Variants in PLCB1 observed in about 807,000 individuals in gnomAD.
The protein encoded by PLCB1 is 1-phosphatidylinositol 4,5-bisphosphate phosphodiesterase beta-1.
PLCB1 carries 46 observed loss-of-function variants against 161.8 expected under a neutral mutation model. That is an observed-to-expected ratio of 0.28 (90% CI 0.22 to 0.36). The LOEUF is 0.36. Among genes scored for constraint, PLCB1 ranks in the 10% least tolerant of loss-of-function variants. The probability of loss-of-function intolerance (pLI) is 1.00; values close to 1 mark genes in which losing one functional copy is unlikely to be tolerated. For synonymous variants in PLCB1, 517 were observed against 503.7 expected (o/e 1.03, Z -0.35); for missense variants, 1,016 against 1,472.5 (o/e 0.69, Z 5.07).
At chr20:8,477,784 C>T (rs980803439) in intron 3 of PLCB1, among the ~76,000 whole-genome samples, 8 of 152,294 alleles carry the variant, frequency 5.3e-5, no homozygotes, top group Middle Eastern at 3.4e-3. Context: ...ATCACCAGGG[C>T]GATGGCGCCA....
intron 3 of PLCB1, among the ~76,000 whole-genome samples, chr20:8,536,417 A>C (rs925499064): frequency 6.6e-6 from 1 of 152,104 alleles, no homozygotes; most frequent in Non-Finnish European, 1.5e-5. Flanking sequence ...CTTGTGTCCA[A>C]CCACAGTATT....
intron 3 of PLCB1, among the ~76,000 whole-genome samples, chr20:8,562,133 A>G (rs370448761): frequency 1.1e-3 from 167 of 152,112 alleles, no homozygotes; most frequent in African/African-American, 3.9e-3. Context: ...CTCAGTGGGA[A>G]GCAGAAATTA....
chr20:8,315,194 C>T lies in PLCB1; in HGVS notation c.178-56188C>T, dbSNP rs144592694. ...ATCCTGTAGGAGAAGCTGGCTCCTT[C>T]GTCATGGAGCTGAACATATGTCTGA... On this transcript the variant is annotated intron_variant, in intron 2 of 31. Coordinates refer to ENST00000338037, the MANE Select transcript of PLCB1 (RefSeq NM_015192.4). 1.7e-3 allele frequency among the ~76,000 whole-genome samples: 260 copies of T among 152,170 alleles called. 1 individual carries two copies. The highest frequency in any genetic ancestry group is 6.0e-3 in the African/African-American group (251 of 41,524).
intron 31 of PLCB1, among the ~76,000 whole-genome samples, chr20:8,874,394 T>C (rs1252417248): frequency 1.3e-5 from 2 of 152,090 alleles, no homozygotes; most frequent in East Asian, 3.9e-4. Context: ...TTTCAGTGAA[T>C]TTTGGCAGAG....
intron 2 of PLCB1, among the ~76,000 whole-genome samples, chr20:8,189,259 T>C (rs1323846075): frequency 1.3e-5 from 2 of 150,978 alleles, no homozygotes; most frequent in Non-Finnish European, 3.0e-5. Context: ...CATTGGAGAG[T>C]TGGGGGATGG....
chr20:8,546,246 G>A (rs372319695), intron 3 of PLCB1, among the ~76,000 whole-genome samples: 3 of 149,992 alleles, frequency 2.0e-5, no homozygotes, highest in South Asian at 2.1e-4. Context: ...CCCAGGAGGC[G>A]GAGGTTGCAG....
intron 31 of PLCB1, among the ~76,000 whole-genome samples, chr20:8,868,123 G>A (rs983460984): frequency 2.6e-5 from 4 of 151,548 alleles, no homozygotes; most frequent in African/African-American, 4.9e-5. Flanking sequence ...TATGGTATCC[G>A]ATTCTTTACA....
intron 2 of PLCB1, among the ~76,000 whole-genome samples, chr20:8,330,899 T>G (rs6055744): frequency 0.094 from 14,248 of 152,242 alleles, 1,297 homozygotes; most frequent in African/African-American, 0.23. Flanking sequence ...TGACATCATA[T>G]TCTCTCAGGG....
intron 31 of PLCB1, among the ~76,000 whole-genome samples, chr20:8,807,496 C>G (rs1380635438): frequency 6.6e-6 from 1 of 151,522 alleles, no homozygotes; most frequent in African/African-American, 2.4e-5. Context: ...TGTATATATG[C>G]GTGCTTATTT....
At chr20:8,841,322 T>C (rs2143262) in intron 31 of PLCB1, among the ~76,000 whole-genome samples, 48,745 of 152,150 alleles carry the variant, frequency 0.32, 8,803 homozygotes, top group East Asian at 0.63. Context: ...ATTTCTAAAA[T>C]AATACTCTTT....
rs941680744 is a variant in PLCB1, at chr20:8,722,378, A to G, written c.1538A>G (p.Asp513Gly). The G allele has an allele frequency of 6.2e-7, 1 of 1,611,768 alleles. No homozygotes were observed. Among genetic ancestry groups the G allele is most frequent in the Admixed American group, 1.7e-5 (1 of 59,498 alleles). The stretch of plus-strand genomic sequence containing the variant: ...GGAGAAGCTGATACGGAAAGTGACG[A>G]CGACGATGATGATGATGACTGTAAA... ...GAGEADTESD[D>G]DDDDDDCKKS... Residue 513 changes from aspartate to glycine, a missense_variant, in exon 15 of 32, where the codon GAC becomes GGC. This residue lies in a region of PLCB1 where 109 missense variants were observed against 129.7 expected (regional missense o/e 0.84). Coordinates refer to ENST00000338037, the MANE Select transcript of PLCB1 (RefSeq NM_015192.4).
At chr20:8,346,273 C>G (rs1224189069) in intron 2 of PLCB1, among the ~76,000 whole-genome samples, 6 of 152,116 alleles carry the variant, frequency 3.9e-5, no homozygotes, top group Non-Finnish European at 7.4e-5. Context: ...CAACTCAATC[C>G]TTTGTATTTA....
chr20:8,366,417 A>C (rs1488207071), intron 2 of PLCB1, among the ~76,000 whole-genome samples: 1 of 152,186 alleles, frequency 6.6e-6, no homozygotes, highest in Admixed American at 6.5e-5. Flanking sequence ...TGAGTTTGAT[A>C]ATTAACATCT....
intron 2 of PLCB1, among the ~76,000 whole-genome samples, chr20:8,274,812 C>T (rs927207893): frequency 1.3e-5 from 2 of 152,112 alleles, no homozygotes; most frequent in Non-Finnish European, 2.9e-5. Flanking sequence ...GTAGCCATTG[C>T]TCCATGGGCT....
chr20:8,438,116 A>T (rs984498953), intron 3 of PLCB1, among the ~76,000 whole-genome samples: 14 of 152,102 alleles, frequency 9.2e-5, no homozygotes, highest in African/African-American at 3.1e-4. Context: ...TTTGTAGATA[A>T]TTTCATAAAT....
intron 3 of PLCB1, among the ~76,000 whole-genome samples, chr20:8,590,990 A>T (rs1987132703): frequency 6.6e-6 from 1 of 151,766 alleles, no homozygotes; most frequent in African/African-American, 2.4e-5. Context: ...CCGACCTTCC[A>T]ACAGGCCCCA....
At chr20:8,674,208 A>T in intron 9 of PLCB1, among the ~76,000 whole-genome samples, 1 of 152,220 alleles carries the variant, frequency 6.6e-6, no homozygotes, top group Non-Finnish European at 1.5e-5. Context: ...ACAATGACAG[A>T]TGGTGATAAA....
intron 2 of PLCB1, among the ~76,000 whole-genome samples, chr20:8,188,698 T>G (rs2051933238): frequency 6.6e-6 from 1 of 152,150 alleles, no homozygotes; most frequent in Non-Finnish European, 1.5e-5. Context: ...CTGAGCCATA[T>G]AAAGAGTGAA....
At chr20:8,291,245 C>G (rs1245193841) in intron 2 of PLCB1, among the ~76,000 whole-genome samples, 1 of 152,162 alleles carries the variant, frequency 6.6e-6, no homozygotes, top group Non-Finnish European at 1.5e-5. Flanking sequence ...TGATCAGGCT[C>G]TGCTGCTTGC....
Sources: allele counts gnomAD v4.1 joint callset (sites outside exome capture counted in the v4.1 genomes callset), GRCh38; gene constraint gnomAD v4.1.1; regional missense constraint gnomAD v4.1.1; transcripts MANE v1.5; gene names NCBI Gene and HGNC (gene_info 2026-07-23, HGNC 2026-07-21).